The following TLE1 variants were observed in gnomAD, a reference collection of about 807,000 sequenced individuals.
TLE1 encodes the protein transducin-like enhancer protein 1.
TLE1 carries 21 observed loss-of-function variants against 89.8 expected under a neutral mutation model. The ratio of observed to expected loss-of-function variants is 0.23; its 90% CI spans 0.17 to 0.34. The LOEUF (loss-of-function observed/expected upper bound fraction) is 0.34. Ranked by LOEUF, TLE1 falls within the 10% of genes least tolerant of loss-of-function variation. The pLI, the probability that TLE1 is intolerant of heterozygous loss-of-function variation, is 1.00. For missense variants in TLE1, 795 were observed against 1,031.2 expected, an observed-to-expected ratio of 0.77 and a Z score of 3.14; for synonymous variants, 447 against 407.6, an observed-to-expected ratio of 1.10 and a Z score of -1.16.
At chr9:81,639,514 T>G (rs535242577) in intron 6 of TLE1, among the ~76,000 whole-genome samples, 18 of 152,188 alleles carry the variant, frequency 1.2e-4, no homozygotes, top group Non-Finnish European at 2.4e-4. Flanking sequence ...GTCAAAATGC[T>G]TGTAGATTTA....
intron 4 of TLE1, among the ~76,000 whole-genome samples, chr9:81,672,656 AT>A (rs1832377116): frequency 6.6e-6 from 1 of 152,134 alleles, no homozygotes; most frequent in African/African-American, 2.4e-5. Context: ...AGGTGTACAT[AT>A]CCCTCATCAA....
rs200133937 is a variant in TLE1, at chr9:81,633,430, T to TA, written c.578-67dup. ...TCAGACACAGAGGCAAGAACAGAAATAAAAAAAAGGGGGGAATAATTAGAA... is the reference window on the plus strand; with the variant it reads ...TCAGACACAGAGGCAAGAACAGAAATAAAAAAAAAGGGGGGAATAATTAGAA... On this transcript the variant is annotated intron_variant, in intron 7 of 19. Coordinates refer to ENST00000376499, the MANE Select transcript of TLE1 (RefSeq NM_005077.5). The TA allele has an allele frequency of 9.5e-3, 15,229 of 1,599,242 alleles. 112 individuals are homozygous for TA. Among genetic ancestry groups the TA allele is most frequent in the Middle Eastern group, 0.02 (119 of 5,988 alleles).
At chr9:81,684,230 A>T (rs775640074) in intron 4 of TLE1, among the ~76,000 whole-genome samples, 1 of 150,490 alleles carries the variant, frequency 6.6e-6, no homozygotes, top group Non-Finnish European at 1.5e-5. Flanking sequence ...TTAGCCACAG[A>T]TCTTCTAGCC....
At chr9:81,682,677 G>A (rs1458185677) in intron 4 of TLE1, among the ~76,000 whole-genome samples, 1 of 152,076 alleles carries the variant, frequency 6.6e-6, no homozygotes, top group Non-Finnish European at 1.5e-5. Flanking sequence ...CAAACCACCA[G>A]GCTCACATCA....
chr9:81,600,629 A>G (rs1192067481), intron 14 of TLE1, among the ~76,000 whole-genome samples: 3 of 6,400 alleles, frequency 4.7e-4, no homozygotes, highest in Non-Finnish European at 8.0e-4. Flanking sequence ...TTAATAGACC[A>G]AAAAAAAAAA....
At chr9:81,615,502 C>T (rs1824362339) in intron 11 of TLE1, among the ~76,000 whole-genome samples, 1 of 144,322 alleles carries the variant, frequency 6.9e-6, no homozygotes, top group Admixed American at 7.0e-5. Flanking sequence ...AGTTCAAGAC[C>T]AGCCTGACAA....
chr9:81,640,987 A>G (rs1437164916), intron 6 of TLE1, among the ~76,000 whole-genome samples: 1 of 152,126 alleles, frequency 6.6e-6, no homozygotes, highest in Non-Finnish European at 1.5e-5. Context: ...CACAGACTTA[A>G]CCCAACCCAA....
At chr9:81,646,259 G>T (rs1359388593) in intron 6 of TLE1, among the ~76,000 whole-genome samples, 2 of 152,222 alleles carry the variant, frequency 1.3e-5, no homozygotes, top group Non-Finnish European at 2.9e-5. Flanking sequence ...CAGGCGCCTA[G>T]TTGTGCTCTC....
intron 8 of TLE1, chr9:81,620,893 T>C: frequency 1.7e-6 from 1 of 590,912 alleles, no homozygotes; most frequent in Non-Finnish European, 3.1e-6. Flanking sequence ...GACTTCCTGG[T>C]CAGGAATACG....
intron 10 of TLE1, 56 bp downstream of exon 10, chr9:81,616,590 T>G: frequency 1.3e-6 from 2 of 1,596,456 alleles, no homozygotes; most frequent in Non-Finnish European, 1.7e-6. Flanking sequence ...TTAGTTTTTT[T>G]TCATAACATT....
intron 6 of TLE1, among the ~76,000 whole-genome samples, chr9:81,637,591 T>C (rs561648214): frequency 6.6e-6 from 1 of 152,112 alleles, no homozygotes; most frequent in African/African-American, 2.4e-5. Context: ...TCACTGTCTG[T>C]TATTAGAGGT....
At position 81,683,910 on chromosome 9, in the gene TLE1, AAAG is replaced by A. The variant is rs370411352; in HGVS notation, c.234+1763_234+1765del. Among the ~76,000 whole-genome samples, 497 of 152,236 alleles carry A rather than the reference AAAG, an allele frequency of 3.3e-3. 3 individuals carry two copies. The highest frequency in any genetic ancestry group is 0.012 in the African/African-American group (482 of 41,542). On this transcript the variant is annotated intron_variant, in intron 4 of 19. Transcript: ENST00000376499. Reference sequence around the variant, plus strand: ...ACTTCACCCCTTCTCCCTACATGATAAAGAAGAGGTCATCCCGCCACATAACCT... The same window carrying A: ...ACTTCACCCCTTCTCCCTACATGATAAAGAGGTCATCCCGCCACATAACCT...
At chr9:81,637,948 T>G (rs1447491655) in intron 6 of TLE1, among the ~76,000 whole-genome samples, 1 of 152,174 alleles carries the variant, frequency 6.6e-6, no homozygotes, top group East Asian at 1.9e-4. Context: ...GAATGAGGGC[T>G]ACAAACCTTT....
intron 11 of TLE1, among the ~76,000 whole-genome samples, chr9:81,615,608 G>T (rs994045400): frequency 1.3e-5 from 2 of 151,270 alleles, no homozygotes; most frequent in Admixed American, 6.6e-5. Context: ...AGCTACTCAG[G>T]GGGCAGAGGC....
chr9:81,662,752 A>C (rs973904879), intron 4 of TLE1, among the ~76,000 whole-genome samples: 2 of 151,856 alleles, frequency 1.3e-5, no homozygotes, highest in African/African-American at 4.8e-5. Flanking sequence ...ATCCAAAATT[A>C]AGAGTAATTA....
chr9:81,643,702 T>C (rs1588096217), intron 6 of TLE1, among the ~76,000 whole-genome samples: 1 of 152,018 alleles, frequency 6.6e-6, no homozygotes, highest in Admixed American at 6.6e-5. Flanking sequence ...ACTCAGCTAA[T>C]TTTTTTGATT....
chr9:81,648,160 T>C (rs540201855), intron 6 of TLE1, among the ~76,000 whole-genome samples: 1 of 151,212 alleles, frequency 6.6e-6, no homozygotes, highest in South Asian at 2.1e-4. Flanking sequence ...TAATCCCAGC[T>C]ACTCGGGCGG....
intron 4 of TLE1, among the ~76,000 whole-genome samples, chr9:81,676,626 G>C (rs1421473620): frequency 6.6e-6 from 1 of 152,212 alleles, no homozygotes; most frequent in Admixed American, 6.5e-5. Flanking sequence ...CTCAGGGGTA[G>C]ACACAGCAGG....
At chr9:81,660,138 G>A (rs1175419360) in intron 4 of TLE1, among the ~76,000 whole-genome samples, 1 of 151,984 alleles carries the variant, frequency 6.6e-6, no homozygotes, top group Non-Finnish European at 1.5e-5. Flanking sequence ...GAAGCATTAC[G>A]AGAACACGAC....
Sources: allele counts gnomAD v4.1 joint callset (sites outside exome capture counted in the v4.1 genomes callset), GRCh38; gene constraint gnomAD v4.1.1; transcripts MANE v1.5; gene names NCBI Gene and HGNC (gene_info 2026-07-23, HGNC 2026-07-21).